The following GABRB2 variants were observed in gnomAD, a reference collection of about 807,000 sequenced individuals.
The protein encoded by GABRB2 is gamma-aminobutyric acid type A receptor subunit beta2, also known as gamma-aminobutyric acid receptor subunit beta-2.
A neutral mutation model predicts 54.7 loss-of-function variants in GABRB2; 16 were observed. That is an observed-to-expected ratio of 0.29 (90% confidence interval 0.20 to 0.44). GABRB2 has a LOEUF of 0.44. Ranked by LOEUF, GABRB2 falls within the 20% of genes least tolerant of loss-of-function variation. GABRB2 has a pLI of 1.00. For synonymous variants in GABRB2, 244 were observed against 233.8 expected, an observed-to-expected ratio of 1.04 and a Z score of -0.40; for missense variants, 355 against 644.0, an observed-to-expected ratio of 0.55 and a Z score of 4.86.
chr5:161,443,664 C>T (rs951798150), intron 4 of GABRB2, among the ~76,000 whole-genome samples: 2 of 152,188 alleles, frequency 1.3e-5, no homozygotes, highest in Non-Finnish European at 2.9e-5. Flanking sequence ...TTCATTTTCA[C>T]ACCTGTGTTG....
At chr5:161,529,262 G>T (rs766954120) in intron 3 of GABRB2, among the ~76,000 whole-genome samples, 2 of 151,976 alleles carry the variant, frequency 1.3e-5, no homozygotes, top group African/African-American at 2.4e-5. Flanking sequence ...CAATAGTACA[G>T]ATTTTATTAT....
At chr5:161,334,997 T>TGAAGGACAC (rs1204965692) in intron 6 of GABRB2, 93 bp from the exon 7 acceptor site, 2 of 1,276,226 alleles carry the variant, frequency 1.6e-6, no homozygotes, top group Non-Finnish European at 2.2e-6. Context: ...CTTCTCTCAG[T>TGAAGGACAC]TCAGTTTTAG....
chr5:161,330,262 G>A (rs1753792681), intron 8 of GABRB2: 2 of 152,118 alleles, frequency 1.3e-5, no homozygotes, highest in Non-Finnish European at 1.5e-5. Flanking sequence ...AATGATAAGT[G>A]GTATATGTGC....
At chr5:161,312,097 C>T (rs1757887520) in intron 9 of GABRB2, among the ~76,000 whole-genome samples, 1 of 151,998 alleles carries the variant, frequency 6.6e-6, no homozygotes, top group African/African-American at 2.4e-5. Context: ...ACTAAACCCT[C>T]AGGGGAGTCT....
intron 4 of GABRB2, among the ~76,000 whole-genome samples, chr5:161,430,743 T>A (rs1757149994): frequency 6.6e-6 from 1 of 152,128 alleles, no homozygotes; most frequent in Non-Finnish European, 1.5e-5. Flanking sequence ...GTACTTATGT[T>A]CAAGCGCCCT....
chr5:161,368,971 T>G (rs13184497), intron 5 of GABRB2, among the ~76,000 whole-genome samples: 1,749 of 152,286 alleles, frequency 0.011, 17 homozygotes, highest in Non-Finnish European at 0.018. Flanking sequence ...CAAATTGTAT[T>G]TATGACAGAA....
chr5:161,445,945 C>T (rs1421152163), intron 4 of GABRB2, among the ~76,000 whole-genome samples: 1 of 152,116 alleles, frequency 6.6e-6, no homozygotes, highest in Admixed American at 6.6e-5. Flanking sequence ...GAATAAATCT[C>T]TTCAAATATT....
intron 3 of GABRB2, among the ~76,000 whole-genome samples, chr5:161,475,900 A>G (rs980394068): frequency 5.3e-5 from 8 of 151,968 alleles, no homozygotes; most frequent in African/African-American, 1.9e-4. Flanking sequence ...CAAGACAAAG[A>G]TGTCCACTTT....
At chr5:161,370,285 G>C (rs534399021) in intron 5 of GABRB2, among the ~76,000 whole-genome samples, 5 of 152,272 alleles carry the variant, frequency 3.3e-5, no homozygotes, top group African/African-American at 9.6e-5. Context: ...TTGGTGTCCT[G>C]TGCTTTTGTT....
chr5:161,427,954 A>G (rs1355422574), intron 4 of GABRB2, among the ~76,000 whole-genome samples: 2 of 152,142 alleles, frequency 1.3e-5, no homozygotes, highest in African/African-American at 4.8e-5. Flanking sequence ...ATTAAGATGC[A>G]TTGTACTGCT....
chr5:161,348,321 A>G (rs1307636966), intron 5 of GABRB2, among the ~76,000 whole-genome samples: 1 of 152,108 alleles, frequency 6.6e-6, no homozygotes, highest in Non-Finnish European at 1.5e-5. Flanking sequence ...AAGAATAACT[A>G]TATTTTCTAA....
intron 3 of GABRB2, among the ~76,000 whole-genome samples, chr5:161,483,220 AC>A (rs1447079977): frequency 1.3e-5 from 2 of 151,820 alleles, no homozygotes; most frequent in Admixed American, 1.3e-4. Flanking sequence ...ACCATTCCCA[AC>A]CTTTTATAAT....
rs1426047843 is a variant in GABRB2 at position 161,404,387 on chromosome 5, G to A, written c.541+6588C>T. On this transcript the variant is annotated intron_variant, in intron 5 of 9. Coordinates refer to ENST00000393959, the MANE Select transcript of GABRB2 (RefSeq NM_001371727.1). ...TAAATAATTATAACTAAGCCTCACT[G>A]TAGTTTTACAGCAGTATTTTTCTAA... 2.6e-5 allele frequency among the ~76,000 whole-genome samples: 4 copies of A among 151,986 alleles called. No homozygotes were observed. The East Asian group carries it at 7.7e-4, about 29-fold the overall frequency.
intron 3 of GABRB2, among the ~76,000 whole-genome samples, chr5:161,540,929 C>T (rs930922324): frequency 1.3e-5 from 2 of 152,054 alleles, no homozygotes; most frequent in African/African-American, 4.8e-5. Flanking sequence ...TCACTGCAAC[C>T]TTTGCCACCC....
At chr5:161,544,156 C>A (rs1273026525) in intron 3 of GABRB2, among the ~76,000 whole-genome samples, 1 of 152,146 alleles carries the variant, frequency 6.6e-6, no homozygotes, top group Non-Finnish European at 1.5e-5. Flanking sequence ...TGAGGGGTGG[C>A]TTAGAAATGT....
intron 6 of GABRB2, among the ~76,000 whole-genome samples, chr5:161,335,471 C>T (rs923530393): frequency 6.6e-6 from 1 of 152,076 alleles, no homozygotes; most frequent in East Asian, 1.9e-4. Flanking sequence ...AGACCCATTG[C>T]ATTTGAGCAA....
intron 5 of GABRB2, among the ~76,000 whole-genome samples, chr5:161,395,680 C>G (rs1266529893): frequency 6.6e-6 from 1 of 151,802 alleles, no homozygotes; most frequent in Non-Finnish European, 1.5e-5. Flanking sequence ...TAGGAGTTAG[C>G]TAAGCAAAAA....
chr5:161,413,797 T>C (rs754240145), intron 4 of GABRB2, among the ~76,000 whole-genome samples: 1 of 152,134 alleles, frequency 6.6e-6, no homozygotes, highest in Non-Finnish European at 1.5e-5. Flanking sequence ...CAAGGGCATA[T>C]ATACAATTAA....
At chr5:161,474,129 C>T (rs947175685) in intron 3 of GABRB2, among the ~76,000 whole-genome samples, 2 of 151,908 alleles carry the variant, frequency 1.3e-5, no homozygotes, top group African/African-American at 4.8e-5. Flanking sequence ...GGGAAGAGAC[C>T]AGCTCTAAGC....
Sources: allele counts gnomAD v4.1 joint callset (sites outside exome capture counted in the v4.1 genomes callset), GRCh38; gene constraint gnomAD v4.1.1; transcripts MANE v1.5; gene names NCBI Gene and HGNC (gene_info 2026-07-23, HGNC 2026-07-21).